Variants in GP6 observed in about 807,000 individuals in gnomAD.
GP6 encodes the protein platelet glycoprotein VI.
Under a neutral mutation model 37.3 loss-of-function variants are expected in GP6, and 45 were observed. That is an observed-to-expected ratio of 1.21 (90% CI 0.95 to 1.55). The LOEUF (loss-of-function observed/expected upper bound fraction) is 1.55, where lower values mean the gene tolerates loss of function less well. Among genes scored for constraint, GP6 ranks in the 40% most tolerant of loss-of-function variants. The pLI is 0.00. For missense variants in GP6, 813 were observed against 760.2 expected (o/e 1.07, Z -0.82); for synonymous variants, 340 against 316.4 (o/e 1.07, Z -0.79).
intron 3 of GP6, 68 bp downstream of exon 3, chr19:55,032,071 A>G (rs1443484041): frequency 4.7e-5 from 72 of 1,521,334 alleles, no homozygotes; most frequent in Middle Eastern, 2.2e-4. Context: ...CCTGCCCTCA[A>G]TGTCCCCCGT....
At chr19:55,017,134 T>TTA (rs2073905653) in intron 6 of GP6, among the ~76,000 whole-genome samples, 1 of 151,536 alleles carries the variant, frequency 6.6e-6, no homozygotes, top group African/African-American at 2.4e-5. Context: ...TTTTTTTTTT[T>TTA]AATACGGAGT....
intron 3 of GP6, among the ~76,000 whole-genome samples, chr19:55,030,466 G>A (rs1568632178): frequency 6.6e-6 from 1 of 152,230 alleles, no homozygotes; most frequent in East Asian, 1.9e-4. Context: ...AGCCTCCGGA[G>A]TAGCTGGGAT....
rs2074357220 is a variant in GP6, at chr19:55,027,631, C to A, written c.557G>T (p.Arg186Met). ...GGGGGCTGACCACAGGTATGGGTCCCTGCTGGAGAAGCTGTAGCATCGGTA... is the reference window on the plus strand; with the variant it reads ...GGGGGCTGACCACAGGTATGGGTCCATGCTGGAGAAGCTGTAGCATCGGTA... The change falls in exon 4 of 8, where the codon AGG (arginine) becomes ATG (methionine). Residue 186 changes from arginine (R) to methionine (M), a missense_variant. Transcript: ENST00000310373. 1 of 1,613,862 alleles carries A rather than the reference C, an allele frequency of 6.2e-7. No individual in the cohort carries two copies. The highest frequency in any genetic ancestry group is 2.2e-5 in the East Asian group (1 of 44,876).
chr19:55,013,872 C>T lies in GP6; in HGVS notation c.*210G>A. On this transcript the variant is annotated 3_prime_UTR_variant, in exon 8 of 8. Coordinates refer to ENST00000310373, the MANE Select transcript of GP6 (RefSeq NM_001083899.2). ...CACTTGGCCCAGTGGTACAGTTTTA[C>T]ACTCATTAGATGGTCAAGAAATGCC... 5.6e-6 allele frequency: 2 copies of T among 359,750 alleles called. No individual in the cohort carries two copies. Among genetic ancestry groups the T allele is most frequent in the Non-Finnish European group, 1.1e-5 (2 of 183,024 alleles). The allele number at this position is 359,750 out of a possible 1,614,324, so 22.3% of individuals were successfully genotyped here.
intron 3 of GP6, among the ~76,000 whole-genome samples, chr19:55,029,697 A>C (rs2074488443): frequency 7.2e-6 from 1 of 139,730 alleles, no homozygotes; most frequent in Non-Finnish European, 1.5e-5. Flanking sequence ...ACCAGGAATT[A>C]AAAATAGACA....
At chr19:55,035,026 T>C (rs2074776843) in intron 1 of GP6, among the ~76,000 whole-genome samples, 2 of 152,216 alleles carry the variant, frequency 1.3e-5, no homozygotes, top group Non-Finnish European at 1.5e-5. Flanking sequence ...CATGCGACGC[T>C]GTACCATGGC....
At chr19:55,033,436 C>T (rs372229664) in intron 1 of GP6, among the ~76,000 whole-genome samples, 1,046 of 62,106 alleles carry the variant, frequency 0.017, no homozygotes, top group South Asian at 0.019. Context: ...ACGCGGTGGG[C>T]TCGTTCGTGT....
chr19:55,020,913 G>A (rs906335191), intron 5 of GP6, among the ~76,000 whole-genome samples: 9 of 151,690 alleles, frequency 5.9e-5, no homozygotes, highest in Non-Finnish European at 1.0e-4. Flanking sequence ...TTAGCCAGGC[G>A]TTGTGGCATG....
chr19:55,033,680 T>C (rs2074700089), intron 1 of GP6, among the ~76,000 whole-genome samples: 1 of 152,220 alleles, frequency 6.6e-6, no homozygotes, highest in African/African-American at 2.4e-5. Context: ...TACAATAGTA[T>C]GCAATTGTAT....
At position 55,032,846 on chromosome 19, in the gene GP6, T is replaced by TTCATGTTAGACACAGTGGGCTC. The variant is rs2074619975; in HGVS notation, c.35-309_35-308insGAGCCCACTGTGTCTAACATGA. 6.1e-6 allele frequency: 3 copies of TTCATGTTAGACACAGTGGGCTC among 490,384 alleles called. No individual in the cohort carries two copies. The African/African-American group carries it at 7.7e-5, about 13-fold the overall frequency. The allele number at this position is 490,384 out of a possible 1,614,324, so 30.4% of individuals were successfully genotyped here. ...GGTGGCGTACTGCTCTCTGTGGACT[T>TTCATGTTAGACACAGTGGGCTC]GTTCGTGTTAGACACGGTGGGCTCG... On this transcript the variant is annotated intron_variant, in intron 1 of 7. Transcript: ENST00000310373.
chr19:55,024,580 C>A (rs1043787027), intron 5 of GP6, among the ~76,000 whole-genome samples: 53 of 152,178 alleles, frequency 3.5e-4, no homozygotes, highest in African/African-American at 1.2e-3. Context: ...AGGCCGTAGT[C>A]TGGTACACCG....
Position 55,032,378 on chromosome 19 carries a change from G to A in GP6, c.86C>T (p.Ser29Phe). The change falls in exon 3 of 8, where the codon TCC becomes TTC. Residue 29 changes from serine (S) to phenylalanine (F), a missense_variant. Ser to Phe is a radical substitution (Grantham distance 155, BLOSUM62 -2). Transcript: ENST00000310373. ...CAGGGAGCTGGGCAGAGCCTGGAGG[G>A]AGGGCTTGGGGAGCGGTCCTGGAAG... 6.2e-7 allele frequency: 1 copy of A among 1,613,446 alleles called. No homozygotes were observed. Among genetic ancestry groups the A allele is most frequent in the Non-Finnish European group, 8.5e-7 (1 of 1,179,664 alleles).
At chr19:55,021,785 G>T (rs1417564438) in intron 5 of GP6, among the ~76,000 whole-genome samples, 2 of 152,150 alleles carry the variant, frequency 1.3e-5, no homozygotes, top group African/African-American at 4.8e-5. Context: ...CTCCCAAAGT[G>T]CTGGGATTAC....
At chr19:55,022,490 T>A (rs536580138) in intron 5 of GP6, among the ~76,000 whole-genome samples, 1 of 152,136 alleles carries the variant, frequency 6.6e-6, no homozygotes, top group Admixed American at 6.6e-5. Context: ...TTCAACATAG[T>A]ATTGGAAGTT....
At chr19:55,032,620 T>G in intron 1 of GP6, 82 bp from the exon 2 acceptor site, 1 of 1,321,798 alleles carries the variant, frequency 7.6e-7, no homozygotes, top group Non-Finnish European at 1.1e-6. Flanking sequence ...ATAAGACATT[T>G]GCATGCATAT....
intron 5 of GP6, among the ~76,000 whole-genome samples, chr19:55,021,824 T>C (rs2074099786): frequency 6.6e-6 from 1 of 152,178 alleles, no homozygotes; most frequent in African/African-American, 2.4e-5. Context: ...CCGGCGTTTC[T>C]TGACTTTTTA....
At chr19:55,026,749 G>C (rs4528694) in intron 4 of GP6, among the ~76,000 whole-genome samples, 113,702 of 151,408 alleles carry the variant, frequency 0.75, 43,715 homozygotes, top group Middle Eastern at 0.84. Flanking sequence ...GGCCGGGCAT[G>C]GTGGCAGGCA....
chr19:55,029,323 T>A (rs1228542349), intron 3 of GP6, among the ~76,000 whole-genome samples: 1 of 860 alleles, frequency 1.2e-3, no homozygotes, highest in Non-Finnish European at 2.2e-3. Context: ...GGCATATATA[T>A]ATATATATAT....
In GP6 at chr19:55,014,029, A is replaced by G. The variant is rs1220411924; in HGVS notation, c.*53T>C. The G allele has an allele frequency of 3.6e-6, 2 of 549,538 alleles. No homozygotes were observed. The highest frequency in any genetic ancestry group is 8.7e-5 in the East Asian group (2 of 23,064). The allele number at this position is 549,538 out of a possible 1,614,324, so 34.0% of individuals were successfully genotyped here. ...TTTAAAAATGTATACAGAATTGTAC[A>G]TATTTATGGGGTGGACAGCAATATT... On this transcript the variant is annotated 3_prime_UTR_variant, in exon 8 of 8. Coordinates refer to ENST00000310373, the MANE Select transcript of GP6 (RefSeq NM_001083899.2).
Sources: gnomAD v4.1 joint callset for allele counts (sites outside exome capture counted in the v4.1 genomes callset) on GRCh38, gnomAD v4.1.1 for gene constraint, MANE v1.5 for transcripts, NCBI Gene and HGNC (gene_info 2026-07-23, HGNC 2026-07-21) for gene names.